Variants in RGP1 observed in about 807,000 individuals in gnomAD.
RGP1 encodes the protein RAB6A-GEF complex partner protein 2.
A neutral mutation model predicts 44.5 loss-of-function variants in RGP1; 28 were observed. That is an observed-to-expected ratio of 0.63 (90% CI 0.47 to 0.86). The LOEUF is 0.86. Among genes scored for constraint, RGP1 ranks in the 40% least tolerant of loss-of-function variants. RGP1 has a pLI of 0.00. For missense variants in RGP1, 417 were observed against 490.7 expected, an observed-to-expected ratio of 0.85 and a Z score of 1.42; for synonymous variants, 212 against 196.7, an observed-to-expected ratio of 1.08 and a Z score of -0.65.
chr9:35,776,855 C>T, the RGP1 span, among the ~76,000 whole-genome samples: 3 of 151,500 alleles, frequency 2.0e-5, no homozygotes, highest in Admixed American at 1.3e-4. Context: ...ATTAGCCGGA[C>T]GTGGTGGCGG....
chr9:35,750,502 TG>T, intron 3 of RGP1, 123 bp downstream of exon 3: 11 of 1,336,688 alleles, frequency 8.2e-6, no homozygotes, highest in Non-Finnish European at 1.2e-5. Context: ...CTGGGGATGT[TG>T]GGGAGCATGA....
chr9:35,762,282 G>T (rs988833847), downstream of RGP1, among the ~76,000 whole-genome samples: 3 of 152,190 alleles, frequency 2.0e-5, no homozygotes, highest in Non-Finnish European at 2.9e-5. Flanking sequence ...AGATTTACTG[G>T]TTTAGTTCCA....
chr9:35,785,109 G>T, the RGP1 span, among the ~76,000 whole-genome samples: 1 of 152,214 alleles, frequency 6.6e-6, no homozygotes, highest in South Asian at 2.1e-4. Flanking sequence ...ATAAAATTTG[G>T]CTTGGGGTAG....
the RGP1 span, among the ~76,000 whole-genome samples, chr9:35,774,067 C>T: frequency 1.3e-5 from 2 of 152,166 alleles, no homozygotes; most frequent in East Asian, 3.8e-4. Context: ...GGTGCACAAA[C>T]TTTATTCTCT....
the RGP1 span, among the ~76,000 whole-genome samples, chr9:35,783,337 C>A: frequency 6.6e-6 from 1 of 152,160 alleles, no homozygotes; most frequent in South Asian, 2.1e-4. Flanking sequence ...CATTCAAAAT[C>A]CTCTCTTCTA....
At position 35,753,015 on chromosome 9, in the gene RGP1, G is replaced by A; in HGVS notation, c.*141G>A. The A allele has an allele frequency of 6.4e-7, 1 of 1,559,234 alleles. No individual in the cohort carries two copies. The highest frequency in any genetic ancestry group is 8.8e-7 in the Non-Finnish European group (1 of 1,141,614). Reference sequence around the variant, plus strand: ...TTTCAGCTATAGCATTAATTTATTTGTTCAGAATACATTGGCAGCTGCTAG... The same window carrying A: ...TTTCAGCTATAGCATTAATTTATTTATTCAGAATACATTGGCAGCTGCTAG... On this transcript the variant is annotated 3_prime_UTR_variant, in exon 9 of 9. Transcript: ENST00000378078. This position sits in a 1 kb window ranked among gnomAD's most constrained non-coding sequence, Gnocchi z 4.2.
In RGP1 at chr9:35,753,616, A is replaced by G. The variant is rs1827309141; in HGVS notation, c.*742A>G. On this transcript the variant is annotated 3_prime_UTR_variant, in exon 9 of 9. Transcript: ENST00000378078. The surrounding 1 kb of genome is among the most constrained non-coding windows in gnomAD (Gnocchi z 4.2). ...GTCACTCCCTGGTCATCCCTCAGTCACTCATATCAGAGTCATTCTCTCTGG... is the reference window on the plus strand; with the variant it reads ...GTCACTCCCTGGTCATCCCTCAGTCGCTCATATCAGAGTCATTCTCTCTGG... The G allele has an allele frequency of 4.7e-6, 7 of 1,486,350 alleles. No individual in the cohort carries two copies. The highest frequency in any genetic ancestry group is 1.1e-5 in the South Asian group (1 of 87,040). The allele number at this position is 1,486,350 out of a possible 1,614,324, so 92.1% of individuals were successfully genotyped here.
At chr9:35,762,995 G>A (rs767719926), downstream of RGP1, among the ~76,000 whole-genome samples, 34 of 152,164 alleles carry the variant, frequency 2.2e-4, no homozygotes, top group Non-Finnish European at 3.8e-4. Context: ...TTCAAATCTA[G>A]CTCTTCTAGT....
At chr9:35,770,572 T>G in the RGP1 span, among the ~76,000 whole-genome samples, 1 of 147,760 alleles carries the variant, frequency 6.8e-6, no homozygotes, top group African/African-American at 2.6e-5. Flanking sequence ...AATAGATCCC[T>G]GAGGATCATC....
Position 35,751,143 on chromosome 9 carries a change from G to A in RGP1, c.488-123G>A, listed in dbSNP as rs971100746. 2.8e-5 allele frequency: 41 copies of A among 1,453,460 alleles called. 1 individual carries two copies. The highest frequency in any genetic ancestry group is 3.3e-5 in the Non-Finnish European group (35 of 1,056,946). 90.0% of individuals were successfully genotyped at this position (1,453,460 alleles called of 1,614,324 possible). ...AGGGAGGGAGGGTTCTGGAGATAGA[G>A]ATGTAAACCTCAGCCCTGGCACCCC... On this transcript the variant is annotated intron_variant, in intron 5 of 8. Coordinates refer to ENST00000378078, the MANE Select transcript of RGP1 (RefSeq NM_001080496.3).
chr9:35,776,713 G>T, the RGP1 span, among the ~76,000 whole-genome samples: 9 of 152,090 alleles, frequency 5.9e-5, no homozygotes, highest in East Asian at 1.6e-3. Flanking sequence ...TTTGCTTTGT[G>T]GGCCAGGCGC....
At chr9:35,760,203 A>C (rs893137788), downstream of RGP1, among the ~76,000 whole-genome samples, 1 of 151,192 alleles carries the variant, frequency 6.6e-6, no homozygotes, top group African/African-American at 2.4e-5. Flanking sequence ...AAGTCTCTGC[A>C]TTGTGACCTA....
the RGP1 span, among the ~76,000 whole-genome samples, chr9:35,772,790 CAAAA>C: frequency 4.6e-5 from 5 of 107,640 alleles, no homozygotes; most frequent in African/African-American, 1.3e-4. Flanking sequence ...GACTCTGTCT[CAAAA>C]AAAAAAAAAA....
chr9:35,771,546 T>G, the RGP1 span, among the ~76,000 whole-genome samples: 1 of 152,242 alleles, frequency 6.6e-6, no homozygotes, highest in Non-Finnish European at 1.5e-5. Flanking sequence ...AGGCTAGCTC[T>G]TAGCTTATTT....
In RGP1 at chr9:35,758,276, C is replaced by T. The variant is rs547017357; in HGVS notation, c.*5402C>T. The T allele has an allele frequency of 1.3e-5, 2 of 152,330 alleles. No homozygotes were observed. The highest frequency in any genetic ancestry group is 2.1e-4 in the South Asian group (1 of 4,832). 9.4% of individuals were successfully genotyped at this position (152,330 alleles called of 1,614,324 possible). On this transcript the variant is annotated 3_prime_UTR_variant, in exon 9 of 9. Coordinates refer to ENST00000378078, the MANE Select transcript of RGP1 (RefSeq NM_001080496.3). ...CTCACAATTTTAGCATATGAGGCTACTATCTTCTGTGGATGTGTATGTAAT... is the reference window on the plus strand; with the variant it reads ...CTCACAATTTTAGCATATGAGGCTATTATCTTCTGTGGATGTGTATGTAAT...
the RGP1 span, among the ~76,000 whole-genome samples, chr9:35,784,625 G>A: frequency 6.6e-6 from 1 of 151,986 alleles, no homozygotes; most frequent in Non-Finnish European, 1.5e-5. Flanking sequence ...GGTAATTTTT[G>A]TATTTTTAGT....
rs991498092 is a variant in RGP1 at position 35,754,253 on chromosome 9, G to T, written c.*1379G>T. 2 of 1,241,504 alleles carry T rather than the reference G, an allele frequency of 1.6e-6. No homozygotes were observed. The highest frequency in any genetic ancestry group is 2.2e-6 in the Non-Finnish European group (2 of 905,012). The allele number at this position is 1,241,504 out of a possible 1,614,324, so 76.9% of individuals were successfully genotyped here. On this transcript the variant is annotated 3_prime_UTR_variant, in exon 9 of 9. Transcript: ENST00000378078. ...TTCTGTCTTTCTCCCCTGGGCTCCTGTCTCACACTATCTCCCTGCCCTCTG... is the reference window on the plus strand; with the variant it reads ...TTCTGTCTTTCTCCCCTGGGCTCCTTTCTCACACTATCTCCCTGCCCTCTG...
the RGP1 span, among the ~76,000 whole-genome samples, chr9:35,785,956 G>A: frequency 1.3e-5 from 2 of 151,722 alleles, no homozygotes; most frequent in African/African-American, 4.8e-5. Flanking sequence ...ACCTCTTCAC[G>A]GTTCTTCTTG....
chr9:35,765,122 CAAAA>C, the RGP1 span, among the ~76,000 whole-genome samples: 4 of 103,230 alleles, frequency 3.9e-5, no homozygotes, highest in African/African-American at 1.4e-4. Flanking sequence ...GACTCTGTCT[CAAAA>C]AAAAAAAAAA....
Sources: gnomAD v4.1 joint callset for allele counts (sites outside exome capture counted in the v4.1 genomes callset) on GRCh38, gnomAD v4.1.1 for gene constraint, Gnocchi (gnomAD v3.1) non-coding constraint, MANE v1.5 for transcripts, NCBI Gene and HGNC (gene_info 2026-07-23, HGNC 2026-07-21) for gene names.